CTSW: variants seen among roughly 807,000 people sequenced by gnomAD.
CTSW encodes cathepsin W.
CTSW carries 42 observed loss-of-function variants against 43.8 expected under a neutral mutation model. The ratio of observed to expected loss-of-function variants is 0.96; its 90% CI spans 0.75 to 1.24. The LOEUF is 1.24. CTSW is among the 50% of genes most tolerant of loss of function. CTSW has a pLI of 0.00. For synonymous variants in CTSW, 191 were observed against 184.8 expected (o/e 1.03, Z -0.27); for missense variants, 475 against 479.9 (o/e 0.99, Z 0.09).
chr11:65,883,023 C>T (rs373873854), intron 7 of CTSW, 46 bp from the exon 8 acceptor site: 15 of 1,613,060 alleles, frequency 9.3e-6, no homozygotes, highest in African/African-American at 1.3e-5. Context: ...GAGCGAGAGA[C>T]CCACACACCC....
rs1437809027 is a variant in CTSW at position 65,883,073 on chromosome 11, T to C, written c.750T>C (p.Ile250=). The change falls in exon 8 of 10, where the codon ATT becomes ATC. Residue 250 remains isoleucine (I), a synonymous_variant. Transcript: ENST00000307886. ...FIMLQNNEHR[I]AQYLATYGPI... is the part of the protein sequence containing the mutation. Reference sequence around the variant, plus strand: ...TGATGATGTTCCTGTCCCCAGGAATTGCGCAGTACCTGGCCACTTATGGCC... The same window carrying C: ...TGATGATGTTCCTGTCCCCAGGAATCGCGCAGTACCTGGCCACTTATGGCC... 4 of 1,613,958 alleles carry C rather than the reference T, an allele frequency of 2.5e-6. No individual in the cohort carries two copies. The highest frequency in any genetic ancestry group is 2.7e-5 in the African/African-American group (2 of 74,862).
Position 65,879,920 on chromosome 11 carries a change from C to T in CTSW, c.66C>T (p.Ile22=). 1 of 1,613,442 alleles carries T rather than the reference C, an allele frequency of 6.2e-7. No homozygotes were observed. The highest frequency in any genetic ancestry group is 8.5e-7 in the Non-Finnish European group (1 of 1,179,758). ...TGGTGGCAGGCCTAGCCCAAGGCAT[C>T]AGAGGCCCCCTTAGGGCCCAGGTAA... ...ALLVAGLAQG[I]RGPLRAQDLG... The change falls in exon 1 of 10, where the codon ATC becomes ATT. Residue 22 remains isoleucine, a synonymous_variant. Transcript: ENST00000307886.
intron 2 of CTSW, among the ~76,000 whole-genome samples, 177 bp from the exon 3 acceptor site, chr11:65,881,230 G>A (rs1027210505): frequency 1.3e-5 from 2 of 152,120 alleles, no homozygotes; most frequent in African/African-American, 4.8e-5. Flanking sequence ...CCCAACCCTC[G>A]GTGGGCTGGG....
rs1468232109 is a variant in CTSW, at chr11:65,881,477, G to C, written c.243G>C (p.Leu81Phe). The change falls in exon 3 of 10, where the codon TTG becomes TTC. Residue 81 changes from leucine (L) to phenylalanine (F), a missense_variant. Coordinates refer to ENST00000307886, the MANE Select transcript of CTSW (RefSeq NM_001335.4). ...CTCAGAGGCTGCAGGAGGAGGACTT[G>C]GGCACAGCTGAGTTTGGGGTGACTC... is the stretch of plus-strand genomic sequence containing the variant. Reference protein sequence around the residue: ...AQAQRLQEEDLGTAEFGVTPF... With the variant: ...AQAQRLQEEDFGTAEFGVTPF... The C allele has an allele frequency of 6.2e-7, 1 of 1,611,360 alleles. No individual in the cohort carries two copies. The highest frequency in any genetic ancestry group is 8.5e-7 in the Non-Finnish European group (1 of 1,178,650).
At chr11:65,882,095 G>A in intron 3 of CTSW, 80 bp from the exon 4 acceptor site, 2 of 1,541,788 alleles carry the variant, frequency 1.3e-6, no homozygotes, top group Non-Finnish European at 1.8e-6. Flanking sequence ...GGAATTATGG[G>A]ACCAACAGCT....
chr11:65,882,244 T>C lies in CTSW; in HGVS notation c.356T>C (p.Ile119Thr), dbSNP rs1016369164. ...GGGGTCCCCAGCATGGGCAGAGAAA[T>C]AAGGTCTGAAGAGCCAGAGGAGTCA... ...AGGVPSMGRE[I>T]RSEEPEESVP... is the part of the protein sequence containing the mutation. Residue 119 changes from isoleucine (I) to threonine (T), a missense_variant, in exon 4 of 10, where the codon ATA becomes ACA. Physicochemically the swap from Ile to Thr is moderately conservative, Grantham distance 89. Transcript: ENST00000307886. 1.2e-6 allele frequency: 2 copies of C among 1,613,914 alleles called. No homozygotes were observed. The highest frequency in any genetic ancestry group is 1.7e-6 in the Non-Finnish European group (2 of 1,180,004).
In CTSW at chr11:65,882,198, G is replaced by A; in HGVS notation, c.310G>A (p.Gly104Ser). The A allele has an allele frequency of 2.5e-6, 4 of 1,614,180 alleles. No individual in the cohort carries two copies. Among genetic ancestry groups the A allele is most frequent in the South Asian group, 1.1e-5 (1 of 91,084 alleles). ...AGAGGAGGAGTTTGGCCAGCTCTAT[G>A]GCTATCGGAGGGCAGCTGGAGGGGT... ...LTEEEFGQLY[G>S]YRRAAGGVPS... Residue 104 changes from glycine (G) to serine (S), a missense_variant, in exon 4 of 10, where the codon GGC (glycine) becomes AGC (serine). Gly to Ser is a moderately conservative substitution (Grantham distance 56). Coordinates refer to ENST00000307886, the MANE Select transcript of CTSW (RefSeq NM_001335.4).
rs751060372 is a variant in CTSW, at chr11:65,882,516, C to T, written c.528C>T (p.Val176=). 13 of 1,614,212 alleles carry T rather than the reference C, an allele frequency of 8.1e-6. No individual in the cohort carries two copies. The East Asian group carries it at 2.2e-4, about 28-fold the overall frequency. Residue 176 remains valine (V), a synonymous_variant, in exon 5 of 10, where the codon GTC becomes GTT. Transcript: ENST00000307886. ...TCAGTTTCTGGGATTTTGTGGATGTCTCCGTGCAGGGTAGGGTTGGGAGAG... is the reference window on the plus strand; with the variant it reads ...TCAGTTTCTGGGATTTTGTGGATGTTTCCGTGCAGGGTAGGGTTGGGAGAG... ...WRISFWDFVD[V]SVQELLDCGR...
chr11:65,883,331 A>C lies in CTSW; in HGVS notation c.927A>C (p.Ala309=). The C allele has an allele frequency of 3.1e-6, 5 of 1,614,094 alleles. No homozygotes were observed. The highest frequency in any genetic ancestry group is 3.4e-6 in the Non-Finnish European group (4 of 1,180,000). Residue 309 remains alanine, a synonymous_variant, in exon 9 of 10, where the codon GCA becomes GCC. Coordinates refer to ENST00000307886, the MANE Select transcript of CTSW (RefSeq NM_001335.4). ...GSVKSEEGIW[A]ETVSSQSQPQ... ...TCAAGTCAGAGGAGGGGATATGGGC[A>C]GAGACAGTCTCATCGCAGTCTCAGC...
At chr11:65,883,175 T>C (rs1386251790) in intron 8 of CTSW, 40 bp from the exon 9 acceptor site, 4 of 1,613,778 alleles carry the variant, frequency 2.5e-6, no homozygotes, top group African/African-American at 2.7e-5. Flanking sequence ...TACAGGAGAC[T>C]TGGCCCCACA....
rs149614054 is a variant in CTSW, at chr11:65,883,421, G to T, written c.1017G>T (p.Glu339Asp). 2.5e-6 allele frequency: 4 copies of T among 1,613,936 alleles called. No homozygotes were observed. The highest frequency in any genetic ancestry group is 3.4e-6 in the Non-Finnish European group (4 of 1,179,964). ...ACTCCTGGGGGGCCCAATGGGGAGA[G>T]AAGGTGAGTGTGATCTATTGGGGGA... ...LKNSWGAQWG[E>D]KGYFRLHRGS... The change falls in exon 9 of 10, where the codon GAG becomes GAT. Residue 339 changes from glutamate to aspartate, a missense_variant. Glu to Asp is a conservative substitution (Grantham distance 45, BLOSUM62 2). Transcript: ENST00000307886.
At chr11:65,879,988 C>T (rs1486176616) in intron 1 of CTSW, 47 bp downstream of exon 1, 1 of 1,513,758 alleles carries the variant, frequency 6.6e-7, no homozygotes, top group Admixed American at 1.8e-5. Flanking sequence ...CGCCTGGGGT[C>T]ACCCCTTCAG....
chr11:65,883,233 A>T lies in CTSW; in HGVS notation c.829A>T (p.Ile277Phe). The T allele has an allele frequency of 1.9e-6, 3 of 1,613,662 alleles. No homozygotes were observed. The highest frequency in any genetic ancestry group is 2.5e-6 in the Non-Finnish European group (3 of 1,179,852). Residue 277 changes from isoleucine (I) to phenylalanine (F), a missense_variant, in exon 9 of 10, where the codon ATC becomes TTC. By Grantham distance (21) the Ile-to-Phe change is conservative. Transcript: ENST00000307886. ...CCTGCAGCTATACCGGAAAGGTGTG[A>T]TCAAGGCCACACCCACCACCTGTGA... ...KPLQLYRKGV[I>F]KATPTTCDPQ...
Position 65,883,496 on chromosome 11 carries a change from C to T in CTSW, c.1021-12C>T. ...TCCCACCTTCCCGCCCCTATGTCCC[C>T]TAACCTCCTAGGGCTATTTCCGGCT... On this transcript the variant is annotated splice_polypyrimidine_tract_variant and intron_variant, in intron 9 of 9. Coordinates refer to ENST00000307886, the MANE Select transcript of CTSW (RefSeq NM_001335.4). 6.2e-7 allele frequency: 1 copy of T among 1,613,102 alleles called. No homozygotes were observed. The highest frequency in any genetic ancestry group is 8.5e-7 in the Non-Finnish European group (1 of 1,179,170).
At chr11:65,883,040 C>G in intron 7 of CTSW, 29 bp from the exon 8 acceptor site, 1 of 1,613,924 alleles carries the variant, frequency 6.2e-7, no homozygotes, top group Non-Finnish European at 8.5e-7. Flanking sequence ...ACCCACATGC[C>G]AAGGGTCTGA....
intron 1 of CTSW, 114 bp from the exon 2 acceptor site, chr11:65,880,087 GA>G: frequency 4.9e-6 from 6 of 1,235,708 alleles, no homozygotes; most frequent in African/African-American, 1.5e-5. Flanking sequence ...TGGGAAGACA[GA>G]AAAGGCTAAC....
In CTSW at chr11:65,883,092, T is replaced by C; in HGVS notation, c.769T>C (p.Tyr257His). ...EHRIAQYLATYGPITVTINMK... is the reference protein window; with the variant it reads ...EHRIAQYLATHGPITVTINMK... ...AGGAATTGCGCAGTACCTGGCCACT[T>C]ATGGCCCCATCACCGTGACCATCAA... Residue 257 changes from tyrosine to histidine, a missense_variant, in exon 8 of 10, where the codon TAT becomes CAT. Coordinates refer to ENST00000307886, the MANE Select transcript of CTSW (RefSeq NM_001335.4). 1 of 1,614,060 alleles carries C rather than the reference T, an allele frequency of 6.2e-7. No individual in the cohort carries two copies. Among genetic ancestry groups the C allele is most frequent in the South Asian group, 1.1e-5 (1 of 91,068 alleles).
intron 1 of CTSW, 109 bp downstream of exon 1, chr11:65,880,050 G>A: frequency 2.4e-6 from 3 of 1,235,774 alleles, no homozygotes; most frequent in African/African-American, 1.5e-5. Flanking sequence ...TGAGGCTGGA[G>A]AGGGGGCTGA....
intron 2 of CTSW, among the ~76,000 whole-genome samples, chr11:65,880,936 T>G (rs1591072174): frequency 6.6e-6 from 1 of 152,156 alleles, no homozygotes; most frequent in East Asian, 1.9e-4. Flanking sequence ...CATTGGGGAC[T>G]TCTTCTCTAG....
Sources: gnomAD v4.1 joint callset for allele counts (sites outside exome capture counted in the v4.1 genomes callset) on GRCh38, gnomAD v4.1.1 for gene constraint, MANE v1.5 for transcripts, NCBI Gene and HGNC (gene_info 2026-07-23, HGNC 2026-07-21) for gene names.